The following STPG2 variants were observed in gnomAD, a reference collection of about 807,000 sequenced individuals.
STPG2 encodes the protein sperm tail PG-rich repeat containing 2, also known as sperm-tail PG-rich repeat-containing protein 2.
Under a neutral mutation model 54.2 loss-of-function variants are expected in STPG2, and 56 were observed. The observed-to-expected ratio is 1.03, with a 90% CI of 0.83 to 1.29. The LOEUF (loss-of-function observed/expected upper bound fraction) is 1.29, where lower values mean the gene tolerates loss of function less well. Among genes scored for constraint, STPG2 ranks in the 50% most tolerant of loss-of-function variants. The pLI, the probability that STPG2 is intolerant of heterozygous loss-of-function variation, is 0.00. For missense variants in STPG2, 596 were observed against 544.9 expected (o/e 1.09, Z -0.93); for synonymous variants, 200 against 181.8 (o/e 1.10, Z -0.81).
In STPG2 at chr4:97,992,687, C is replaced by T. The variant is rs565371916; in HGVS notation, c.613-11369G>A. 5.9e-5 allele frequency among the ~76,000 whole-genome samples: 9 copies of T among 152,144 alleles called. No individual in the cohort carries two copies. In the East Asian group the frequency reaches 1.7e-3, roughly 29 times the overall value. On this transcript the variant is annotated intron_variant, in intron 5 of 10. Coordinates refer to ENST00000295268, the MANE Select transcript of STPG2 (RefSeq NM_174952.3). ...GCATTGAATCTGTAGATTGCTTTGGCAATATGGTCATTTTTACAAGATTGA... is the reference window on the plus strand; with the variant it reads ...GCATTGAATCTGTAGATTGCTTTGGTAATATGGTCATTTTTACAAGATTGA...
chr4:97,560,930 T>C lies in STPG2; in HGVS notation c.1321-1813A>G, dbSNP rs530085439. Among the ~76,000 whole-genome samples, 16 of 152,322 alleles carry C rather than the reference T, an allele frequency of 1.1e-4. No homozygotes were observed. In the South Asian group the frequency reaches 2.7e-3, roughly 26 times the overall value. On this transcript the variant is annotated intron_variant, in intron 10 of 10. Coordinates refer to ENST00000295268, the MANE Select transcript of STPG2 (RefSeq NM_174952.3). ...AAACGTACATGTGCATGTGTCTTTA[T>C]AGCAGCATGATTTATAGTCCTTTGG...
At chr4:97,477,188 C>T (rs1399425375) in intron 4 of STPG2, among the ~76,000 whole-genome samples, 3 of 152,102 alleles carry the variant, frequency 2.0e-5, no homozygotes, top group Admixed American at 1.3e-4. Flanking sequence ...TTTGGTGTTA[C>T]TATTTTATTT....
chr4:97,959,609 T>C (rs1021906264), intron 7 of STPG2, among the ~76,000 whole-genome samples: 8 of 151,776 alleles, frequency 5.3e-5, no homozygotes, highest in Admixed American at 2.0e-4. Context: ...CTAGAGGAGA[T>C]GGATAAATTC....
At chr4:97,805,353 G>A (rs191526280) in intron 9 of STPG2, among the ~76,000 whole-genome samples, 21 of 152,088 alleles carry the variant, frequency 1.4e-4, no homozygotes, top group South Asian at 4.1e-4. Context: ...GATTACAGGC[G>A]CGCACCACCA....
At chr4:97,477,485 T>G (rs183368514) in intron 4 of STPG2, among the ~76,000 whole-genome samples, 588 of 148,828 alleles carry the variant, frequency 4.0e-3, no homozygotes, top group Non-Finnish European at 6.4e-3. Flanking sequence ...TGTTTTTTTT[T>G]TTTTTTTTTG....
intron 5 of STPG2, among the ~76,000 whole-genome samples, chr4:97,984,997 T>A (rs971843612): frequency 6.6e-6 from 1 of 152,212 alleles, no homozygotes; most frequent in African/African-American, 2.4e-5. Flanking sequence ...CGTGTTTATA[T>A]AGCCAAGTAG....
chr4:97,881,593 C>T (rs964719457), intron 8 of STPG2, among the ~76,000 whole-genome samples: 1 of 152,034 alleles, frequency 6.6e-6, no homozygotes, highest in African/African-American at 2.4e-5. Flanking sequence ...TAATATTCTG[C>T]CTCATTTACC....
chr4:97,672,177 T>C, intron 10 of STPG2, among the ~76,000 whole-genome samples: 1 of 144,826 alleles, frequency 6.9e-6, no homozygotes. Flanking sequence ...TTTTTTTTTT[T>C]TTTTTTTTTT....
chr4:97,610,744 G>A (rs2148914575), intron 10 of STPG2, among the ~76,000 whole-genome samples: 1 of 152,096 alleles, frequency 6.6e-6, no homozygotes, highest in South Asian at 2.1e-4. Context: ...GGATATTAGT[G>A]AGGCAGAGCA....
chr4:97,650,889 T>C (rs910465445), intron 10 of STPG2, among the ~76,000 whole-genome samples: 2 of 152,128 alleles, frequency 1.3e-5, no homozygotes, highest in African/African-American at 4.8e-5. Flanking sequence ...AGTAATGTTA[T>C]GTCAGAGTCA....
At chr4:97,496,450 C>T (rs887835236) in intron 4 of STPG2, among the ~76,000 whole-genome samples, 2 of 151,688 alleles carry the variant, frequency 1.3e-5, no homozygotes, top group African/African-American at 4.8e-5. Flanking sequence ...TTCTGATTTG[C>T]TTTTCAGTCA....
At chr4:97,824,987 T>C (rs776431418) in intron 9 of STPG2, among the ~76,000 whole-genome samples, 1 of 152,204 alleles carries the variant, frequency 6.6e-6, no homozygotes, top group Non-Finnish European at 1.5e-5. Context: ...GCCAGAAATA[T>C]TGGCTGTTTG....
chr4:97,877,414 A>G (rs959934339), intron 8 of STPG2, among the ~76,000 whole-genome samples: 1 of 152,192 alleles, frequency 6.6e-6, no homozygotes, highest in Non-Finnish European at 1.5e-5. Context: ...CTGCTGATAA[A>G]GACATACCTG....
At chr4:97,690,681 G>A (rs1346305072) in intron 10 of STPG2, among the ~76,000 whole-genome samples, 1 of 152,106 alleles carries the variant, frequency 6.6e-6, no homozygotes, top group Non-Finnish European at 1.5e-5. Flanking sequence ...GTTGAATATA[G>A]GTGCTATTCA....
At chr4:97,830,096 A>T in intron 9 of STPG2, among the ~76,000 whole-genome samples, 1 of 152,192 alleles carries the variant, frequency 6.6e-6, no homozygotes, top group East Asian at 1.9e-4. Flanking sequence ...GATGACATGA[A>T]GGAAAAAATG....
At chr4:97,920,122 CA>C (rs1201438153) in intron 8 of STPG2, among the ~76,000 whole-genome samples, 2 of 152,140 alleles carry the variant, frequency 1.3e-5, no homozygotes, top group Non-Finnish European at 2.9e-5. Context: ...AATTGAGAGA[CA>C]AAACACTGAG....
At chr4:98,071,481 T>A (rs1279006569) in intron 5 of STPG2, among the ~76,000 whole-genome samples, 15 of 152,018 alleles carry the variant, frequency 9.9e-5, no homozygotes. Context: ...ATCTAGGCAA[T>A]ACCATTCAGG....
intron 10 of STPG2, among the ~76,000 whole-genome samples, chr4:97,626,007 T>C (rs1181346177): frequency 1.3e-5 from 2 of 152,194 alleles, no homozygotes; most frequent in Non-Finnish European, 2.9e-5. Context: ...AAATTATCCA[T>C]AACTGCTGTG....
chr4:97,633,998 AG>A (rs1470327389), intron 10 of STPG2, among the ~76,000 whole-genome samples: 1 of 152,208 alleles, frequency 6.6e-6, no homozygotes, highest in Non-Finnish European at 1.5e-5. Context: ...CCACAGCTCA[AG>A]GAGGCCTGCG....
Sources: gnomAD v4.1 joint callset for allele counts (sites outside exome capture counted in the v4.1 genomes callset) on GRCh38, gnomAD v4.1.1 for gene constraint, MANE v1.5 for transcripts, NCBI Gene and HGNC (gene_info 2026-07-23, HGNC 2026-07-21) for gene names.